The following UNC13C variants were observed in gnomAD, a reference collection of about 807,000 sequenced individuals.
UNC13C encodes unc-13 homolog C, also known as protein unc-13 homolog C.
A neutral mutation model predicts 245.4 loss-of-function variants in UNC13C; 174 were observed. The observed-to-expected ratio is 0.71, with a 90% CI of 0.63 to 0.80. UNC13C has a LOEUF of 0.80. UNC13C is among the 30% of genes least tolerant of loss of function. The pLI, the probability that UNC13C is intolerant of heterozygous loss-of-function variation, is 0.00. For missense variants in UNC13C, 2,829 were observed against 2,602.9 expected (o/e 1.09, Z -1.89); for synonymous variants, 992 against 895.1 (o/e 1.11, Z -1.93).
chr15:53,936,632 G>T, the UNC13C span, among the ~76,000 whole-genome samples: 1 of 152,198 alleles, frequency 6.6e-6, no homozygotes, highest in Non-Finnish European at 1.5e-5. Flanking sequence ...CTGGCATCAG[G>T]TCTGTGCCCC....
At position 54,015,150 on chromosome 15, in the gene UNC13C, A is replaced by G. The variant is rs1895586334; in HGVS notation, c.2247A>G (p.Leu749=). 5.6e-6 allele frequency: 9 copies of G among 1,612,466 alleles called. No homozygotes were observed. The highest frequency in any genetic ancestry group is 3.3e-5 in the South Asian group (3 of 90,786). Residue 749 remains leucine (L), a synonymous_variant, in exon 2 of 33, where the codon CTA becomes CTG. Transcript: ENST00000260323. ...ATCAGGGAGCTAATTCTAATGAGCT[A>G]TACCAAAATCAAAACCAGTTGTCCA... ...DSYQGANSNE[L]YQNQNQLSMM... is the part of the protein sequence containing the mutation.
At chr15:53,901,868 C>T in the UNC13C span, among the ~76,000 whole-genome samples, 4 of 152,142 alleles carry the variant, frequency 2.6e-5, no homozygotes, top group African/African-American at 9.7e-5. Flanking sequence ...CTCCTCTCTT[C>T]AAGTCTCTCT....
chr15:54,577,354 G>T (rs1179178650), intron 30 of UNC13C, among the ~76,000 whole-genome samples: 1 of 152,120 alleles, frequency 6.6e-6, no homozygotes, highest in Non-Finnish European at 1.5e-5. Flanking sequence ...TTAGTTTTAG[G>T]AGCATTTGTC....
chr15:54,353,948 C>T (rs963306562), intron 17 of UNC13C, among the ~76,000 whole-genome samples: 8 of 152,190 alleles, frequency 5.3e-5, no homozygotes, highest in Non-Finnish European at 1.2e-4. Context: ...GACCCTTTTG[C>T]TTTGATTCTG....
intron 4 of UNC13C, among the ~76,000 whole-genome samples, chr15:54,212,528 T>C (rs1002855191): frequency 2.0e-5 from 3 of 151,980 alleles, no homozygotes; most frequent in East Asian, 1.9e-4. Context: ...TAAAAAAATA[T>C]GTACACAATA....
intron 19 of UNC13C, among the ~76,000 whole-genome samples, chr15:54,473,924 A>G (rs2141047623): frequency 6.6e-6 from 1 of 150,500 alleles, no homozygotes; most frequent in East Asian, 2.0e-4. Flanking sequence ...CTATCATTCC[A>G]CTCTCTACAT....
chr15:54,294,468 T>C (rs747837342), intron 11 of UNC13C, among the ~76,000 whole-genome samples: 2 of 152,100 alleles, frequency 1.3e-5, no homozygotes, highest in Non-Finnish European at 2.9e-5. Flanking sequence ...AAATGTATTT[T>C]GAATTGCTTT....
At position 54,322,011 on chromosome 15, in the gene UNC13C, T is replaced by C. The variant is rs368400427; in HGVS notation, c.4341T>C (p.Asn1447=). Residue 1447 remains asparagine, a synonymous_variant, in exon 14 of 33, where the codon AAT becomes AAC. Coordinates refer to ENST00000260323, the MANE Select transcript of UNC13C (RefSeq NM_001080534.3). ...VPAVMSTLLA[N]INAFYAHTTV... is the part of the protein sequence containing the mutation. ...CCGTCATGAGCACCTTGCTGGCTAATATAAATGCTTTTTATGCTCACACAA... is the reference window on the plus strand; with the variant it reads ...CCGTCATGAGCACCTTGCTGGCTAACATAAATGCTTTTTATGCTCACACAA... The C allele has an allele frequency of 1.3e-5, 21 of 1,588,566 alleles. No homozygotes were observed. The African/African-American group carries it at 2.7e-4, about 20-fold the overall frequency.
At chr15:54,387,474 A>G (rs2039863680) in intron 17 of UNC13C, among the ~76,000 whole-genome samples, 1 of 152,050 alleles carries the variant, frequency 6.6e-6, no homozygotes, top group Admixed American at 6.6e-5. Flanking sequence ...AGTGAGGGCA[A>G]CTAGAGGTTG....
chr15:54,236,436 G>A lies in UNC13C; in HGVS notation c.3156+1G>A. On this transcript the variant is annotated splice_donor_variant, in intron 6 of 32. Coordinates refer to ENST00000260323, the MANE Select transcript of UNC13C (RefSeq NM_001080534.3). LOFTEE classifies it high-confidence loss of function. ...TCACTTCTGGAATCTTCAGGCCATG[G>A]TAAGTGCTTTGCTATTTATTTAATT... The A allele has an allele frequency of 1.3e-6, 2 of 1,590,776 alleles. No homozygotes were observed. The highest frequency in any genetic ancestry group is 4.5e-5 in the East Asian group (2 of 44,680).
chr15:54,233,779 A>G (rs551757143), intron 4 of UNC13C, among the ~76,000 whole-genome samples: 1 of 152,180 alleles, frequency 6.6e-6, no homozygotes, highest in Non-Finnish European at 1.5e-5. Context: ...TTAATCTGTC[A>G]TTAGCCTTTG....
intron 14 of UNC13C, among the ~76,000 whole-genome samples, chr15:54,322,444 G>T (rs1052295125): frequency 1.3e-5 from 2 of 151,956 alleles, no homozygotes; most frequent in Admixed American, 6.6e-5. Flanking sequence ...TAGTTCCCTA[G>T]TAAGTGTGAG....
chr15:54,507,821 C>A (rs1369123465), intron 23 of UNC13C, among the ~76,000 whole-genome samples: 3 of 149,470 alleles, frequency 2.0e-5, no homozygotes, highest in Admixed American at 6.7e-5. Flanking sequence ...ACATTGGCAG[C>A]ATTGTAAACA....
the UNC13C span, among the ~76,000 whole-genome samples, chr15:53,881,147 T>G: frequency 6.6e-6 from 1 of 152,076 alleles, no homozygotes; most frequent in Non-Finnish European, 1.5e-5. Context: ...TGTGTGTGTG[T>G]GTGTACATGT....
intron 4 of UNC13C, among the ~76,000 whole-genome samples, chr15:54,223,280 G>T (rs185424004): frequency 6.6e-6 from 1 of 152,206 alleles, no homozygotes; most frequent in African/African-American, 2.4e-5. Flanking sequence ...TACGGTGAGG[G>T]ATAGGAGTCT....
intron 4 of UNC13C, among the ~76,000 whole-genome samples, chr15:54,230,894 A>G (rs1036607720): frequency 6.6e-6 from 1 of 152,090 alleles, no homozygotes; most frequent in African/African-American, 2.4e-5. Context: ...AAATATTAAT[A>G]AAAACTTTGT....
intron 13 of UNC13C, among the ~76,000 whole-genome samples, chr15:54,315,194 T>C (rs2140969442): frequency 6.6e-6 from 1 of 151,940 alleles, no homozygotes; most frequent in Non-Finnish European, 1.5e-5. Context: ...CTTGGCTAGA[T>C]ATTGTACCAA....
At chr15:54,378,610 A>G (rs1327418872) in intron 17 of UNC13C, among the ~76,000 whole-genome samples, 4 of 151,520 alleles carry the variant, frequency 2.6e-5, no homozygotes, top group African/African-American at 9.7e-5. Context: ...TATCAGAAAT[A>G]TAGAAATATA....
At chr15:53,870,520 C>T in the UNC13C span, among the ~76,000 whole-genome samples, 2 of 150,998 alleles carry the variant, frequency 1.3e-5, no homozygotes, top group African/African-American at 4.9e-5. Flanking sequence ...GCAGAAGAGT[C>T]CATGGCCATT....
Sources: allele counts gnomAD v4.1 joint callset (sites outside exome capture counted in the v4.1 genomes callset), GRCh38; gene constraint gnomAD v4.1.1; transcripts MANE v1.5; gene names NCBI Gene and HGNC (gene_info 2026-07-23, HGNC 2026-07-21).